Variants in VAT1L observed in about 807,000 individuals in gnomAD.
VAT1L encodes putative NADPH-dependent quinone oxidoreductase VAT1L.
Under a neutral mutation model 44.1 loss-of-function variants are expected in VAT1L, and 34 were observed. The ratio of observed to expected loss-of-function variants is 0.77; its 90% CI spans 0.59 to 1.03. The LOEUF is 1.03. Ranked by LOEUF, VAT1L falls within the 50% of genes least tolerant of loss-of-function variation. The pLI is 0.00. For missense variants in VAT1L, 615 were observed against 538.8 expected (o/e 1.14, Z -1.40); for synonymous variants, 253 against 202.2 (o/e 1.25, Z -2.13).
intron 7 of VAT1L, among the ~76,000 whole-genome samples, chr16:77,967,295 G>A (rs922358268): frequency 1.3e-5 from 2 of 152,184 alleles, no homozygotes; most frequent in Admixed American, 1.3e-4. Flanking sequence ...GCTAATCATT[G>A]TGATGCTTAA....
At chr16:77,963,609 A>C (rs913763739) in intron 7 of VAT1L, among the ~76,000 whole-genome samples, 26 of 151,870 alleles carry the variant, frequency 1.7e-4, no homozygotes, top group Non-Finnish European at 3.7e-4. Context: ...CCTTACCTTC[A>C]CTTCGTAGAA....
Position 77,879,151 on chromosome 16 carries a change from G to C in VAT1L, c.827-18G>C, listed in dbSNP as rs377063941. On this transcript the variant is annotated intron_variant, in intron 5 of 8. Transcript: ENST00000302536. This position sits in a 1 kb window ranked among gnomAD's most constrained non-coding sequence, Gnocchi z 4.1. ...TTTTCATTAGCAATTGCTTAATGTG[G>C]GAATCTTTCATTTTCAGGCTCATCC... 11 of 1,613,688 alleles carry C rather than the reference G, an allele frequency of 6.8e-6. No individual in the cohort carries two copies. The highest frequency in any genetic ancestry group is 9.3e-6 in the Non-Finnish European group (11 of 1,179,750).
At chr16:77,865,292 C>T (rs2016961718) in intron 4 of VAT1L, among the ~76,000 whole-genome samples, 1 of 152,148 alleles carries the variant, frequency 6.6e-6, no homozygotes, top group Admixed American at 6.5e-5. Context: ...TTTAACTTGA[C>T]TCTCTTAAGC....
intron 4 of VAT1L, among the ~76,000 whole-genome samples, chr16:77,869,975 A>T (rs1033086292): frequency 6.6e-6 from 1 of 152,218 alleles, no homozygotes; most frequent in South Asian, 2.1e-4. Context: ...AGCTTATTTT[A>T]AAACTGGTGG....
chr16:77,960,618 G>A (rs2018150709), intron 7 of VAT1L, among the ~76,000 whole-genome samples: 1 of 152,146 alleles, frequency 6.6e-6, no homozygotes, highest in Non-Finnish European at 1.5e-5. Flanking sequence ...GATCTAGCAG[G>A]ATCTCATTGG....
chr16:77,815,968 C>CAAAA (rs57312031), intron 1 of VAT1L, among the ~76,000 whole-genome samples: 24 of 32,944 alleles, frequency 7.3e-4, no homozygotes, highest in African/African-American at 2.3e-3. Flanking sequence ...AACTCTGTCT[C>CAAAA]AAAAAAAAAA....
At chr16:77,926,668 T>C (rs973728724) in intron 7 of VAT1L, among the ~76,000 whole-genome samples, 1 of 152,056 alleles carries the variant, frequency 6.6e-6, no homozygotes, top group African/African-American at 2.4e-5. Context: ...CTAAAGAGTA[T>C]TTCAGGATAA....
intron 7 of VAT1L, among the ~76,000 whole-genome samples, chr16:77,914,822 T>C (rs891529923): frequency 3.9e-5 from 6 of 152,158 alleles, no homozygotes; most frequent in African/African-American, 1.4e-4. Context: ...TAACACCAGA[T>C]TGATTGGGTA....
At chr16:77,957,894 T>G (rs1373340653) in intron 7 of VAT1L, among the ~76,000 whole-genome samples, 2 of 151,892 alleles carry the variant, frequency 1.3e-5, no homozygotes, top group Non-Finnish European at 2.9e-5. Context: ...ACTAGAGCAA[T>G]ATTTCCTTGG....
chr16:77,958,923 G>C (rs2018133252), intron 7 of VAT1L, among the ~76,000 whole-genome samples: 1 of 152,158 alleles, frequency 6.6e-6, no homozygotes, highest in Admixed American at 6.5e-5. Context: ...TGCCAAGTAG[G>C]TACTTCCTTT....
At chr16:77,816,845 A>G in intron 1 of VAT1L, 76 bp from the exon 2 acceptor site, 9 of 1,485,478 alleles carry the variant, frequency 6.1e-6, no homozygotes, top group Non-Finnish European at 8.1e-6. Flanking sequence ...AAGAAAAGAA[A>G]GAAAAGAAAA....
intron 7 of VAT1L, among the ~76,000 whole-genome samples, chr16:77,887,149 A>T (rs559255827): frequency 5.9e-4 from 90 of 152,314 alleles, no homozygotes; most frequent in Middle Eastern, 3.4e-3. Context: ...ACACAAGGAG[A>T]TCCCTAAAAA....
intron 7 of VAT1L, among the ~76,000 whole-genome samples, chr16:77,941,726 C>T (rs1427415166): frequency 6.6e-6 from 1 of 152,128 alleles, no homozygotes; most frequent in Non-Finnish European, 1.5e-5. Context: ...GCTGGGATTA[C>T]AGGCACCATG....
At chr16:77,913,233 A>C (rs2017517122) in intron 7 of VAT1L, among the ~76,000 whole-genome samples, 1 of 152,184 alleles carries the variant, frequency 6.6e-6, no homozygotes, top group African/African-American at 2.4e-5. Context: ...TACTGTCTTA[A>C]ATTTTTAAGT....
chr16:77,850,568 C>G (rs2142432994), intron 3 of VAT1L, among the ~76,000 whole-genome samples: 1 of 152,278 alleles, frequency 6.6e-6, no homozygotes, highest in South Asian at 2.1e-4. Flanking sequence ...CCCTTTCATT[C>G]TCAAAAAGAG....
chr16:77,977,739 G>T lies in VAT1L; in HGVS notation c.*44G>T. ...GAATGTGAAGGATGGTTTGGAAGAT[G>T]AGGACCCGGCTGAGAAAACTCTTCT... On this transcript the variant is annotated 3_prime_UTR_variant, in exon 9 of 9. Transcript: ENST00000302536. 6.3e-7 allele frequency: 1 copy of T among 1,583,868 alleles called. No homozygotes were observed. The highest frequency in any genetic ancestry group is 8.6e-7 in the Non-Finnish European group (1 of 1,159,064).
chr16:77,901,254 C>T (rs537713738), intron 7 of VAT1L, among the ~76,000 whole-genome samples: 1 of 149,236 alleles, frequency 6.7e-6, no homozygotes, highest in Non-Finnish European at 1.5e-5. Flanking sequence ...AGCTCCGCCT[C>T]CTGGGTTCAT....
At chr16:77,953,107 C>G (rs1263088929) in intron 7 of VAT1L, among the ~76,000 whole-genome samples, 1 of 152,196 alleles carries the variant, frequency 6.6e-6, no homozygotes, top group East Asian at 1.9e-4. Flanking sequence ...GAGGCAGAGA[C>G]AGGAGTGATG....
rs1055667234 is a variant in VAT1L at position 77,825,413 on chromosome 16, C to T, written c.531C>T (p.Asn177=). 5 of 1,610,486 alleles carry T rather than the reference C, an allele frequency of 3.1e-6. No individual in the cohort carries two copies. Among genetic ancestry groups the T allele is most frequent in the South Asian group, 2.2e-5 (2 of 90,286 alleles). The change falls in exon 3 of 9, where the codon AAC becomes AAT. Residue 177 remains asparagine, a synonymous_variant. Coordinates refer to ENST00000302536, the MANE Select transcript of VAT1L (RefSeq NM_020927.3). ...ATGTGATGCTGTTTGAAGTTGCCAA[C>T]CTCCGGGAAGGGATGTCTGTGCTCG... ...TAYVMLFEVA[N]LREGMSVLVH...
Sources: gnomAD v4.1 joint callset for allele counts (sites outside exome capture counted in the v4.1 genomes callset) on GRCh38, gnomAD v4.1.1 for gene constraint, Gnocchi (gnomAD v3.1) non-coding constraint, MANE v1.5 for transcripts, NCBI Gene and HGNC (gene_info 2026-07-23, HGNC 2026-07-21) for gene names.